GUCA1C: variants seen among roughly 807,000 people sequenced by gnomAD.
GUCA1C encodes the protein guanylate cyclase activator 1C, also known as guanylyl cyclase-activating protein 3.
In GUCA1C, 15 loss-of-function variants were observed where a neutral mutation model predicts 16.2. The ratio of observed to expected loss-of-function variants is 0.93; its 90% CI spans 0.62 to 1.43. GUCA1C has a LOEUF of 1.43. Ranked by LOEUF, GUCA1C falls within the 40% of genes most tolerant of loss-of-function variation. GUCA1C has a pLI of 0.00. For missense variants in GUCA1C, 275 were observed against 244.8 expected, an observed-to-expected ratio of 1.12 and a Z score of -0.82; for synonymous variants, 78 against 85.4, an observed-to-expected ratio of 0.91 and a Z score of 0.48.
chr3:108,935,179 A>G (rs905825915), intron 1 of GUCA1C, among the ~76,000 whole-genome samples: 9 of 151,844 alleles, frequency 5.9e-5, no homozygotes, highest in African/African-American at 2.2e-4. Context: ...AACAATAGAA[A>G]CTGGGGACTA....
chr3:108,946,435 C>A, intron 1 of GUCA1C, among the ~76,000 whole-genome samples: 1 of 152,132 alleles, frequency 6.6e-6, no homozygotes. Flanking sequence ...CATGCACAGC[C>A]TATGGTACAT....
intron 1 of GUCA1C, among the ~76,000 whole-genome samples, chr3:108,922,593 T>C (rs34036727): frequency 6.6e-6 from 1 of 152,168 alleles, no homozygotes; most frequent in Non-Finnish European, 1.5e-5. Context: ...GATAATTAGT[T>C]ATTTTAAACA....
intron 1 of GUCA1C, among the ~76,000 whole-genome samples, chr3:108,922,451 C>T (rs1173755433): frequency 1.3e-5 from 2 of 152,168 alleles, no homozygotes; most frequent in African/African-American, 2.4e-5. Flanking sequence ...TTTACATTCC[C>T]ACCAGCAGTG....
upstream of GUCA1C, among the ~76,000 whole-genome samples, chr3:108,954,741 T>TC (rs1352026566): frequency 6.7e-6 from 1 of 149,468 alleles, no homozygotes; most frequent in East Asian, 1.9e-4. Context: ...TCTCCTTTTT[T>TC]TTTTTTTTTT....
At chr3:108,945,934 A>G (rs1424662355) in intron 1 of GUCA1C, among the ~76,000 whole-genome samples, 1 of 152,214 alleles carries the variant, frequency 6.6e-6, no homozygotes, top group Admixed American at 6.5e-5. Flanking sequence ...GTTAAATTGT[A>G]TAAGCCAAGT....
chr3:108,909,967 C>T (rs1946432429), intron 3 of GUCA1C, among the ~76,000 whole-genome samples: 1 of 152,174 alleles, frequency 6.6e-6, no homozygotes, highest in African/African-American at 2.4e-5. Flanking sequence ...ACCACAATTA[C>T]CATTTCTATT....
chr3:108,936,328 C>T (rs867891786), intron 1 of GUCA1C, among the ~76,000 whole-genome samples: 3 of 151,652 alleles, frequency 2.0e-5, no homozygotes, highest in Admixed American at 6.6e-5. Context: ...TAAAAGCTAC[C>T]ATTAATTTTT....
intron 1 of GUCA1C, among the ~76,000 whole-genome samples, chr3:108,922,751 C>T (rs956175197): frequency 6.6e-6 from 1 of 152,088 alleles, no homozygotes; most frequent in Admixed American, 6.5e-5. Context: ...TATACACGTG[C>T]CATGGTGGTT....
In GUCA1C at chr3:108,932,323, CAAAAAA is replaced by C. The variant is rs71106610; in HGVS notation, c.205-11744_205-11739del. ...ACATGCAGATTCCTAGACCTCCCAC[CAAAAAA>C]AAAAAAAAAACAAAAAAAAAAAACA... is the stretch of plus-strand genomic sequence containing the variant. On this transcript the variant is annotated intron_variant, in intron 1 of 3. Transcript: ENST00000261047. 2.9e-5 allele frequency among the ~76,000 whole-genome samples: 3 copies of C among 102,042 alleles called. No individual in the cohort carries two copies. The Admixed American group carries it at 3.2e-4, about 11-fold the overall frequency. 66.9% of individuals were successfully genotyped at this position (102,042 alleles called of 152,430 possible).
chr3:108,918,931 T>TA (rs562347239), intron 2 of GUCA1C, among the ~76,000 whole-genome samples: 3 of 152,214 alleles, frequency 2.0e-5, no homozygotes, highest in African/African-American at 2.4e-5. Context: ...GATTCTGTGA[T>TA]ATAAATCACA....
intron 3 of GUCA1C, among the ~76,000 whole-genome samples, chr3:108,910,782 T>C (rs1946444629): frequency 6.6e-6 from 1 of 151,714 alleles, no homozygotes; most frequent in South Asian, 2.1e-4. Flanking sequence ...CCCGAGTAGC[T>C]GGGACTACAG....
chr3:108,908,503 T>C (rs1174675240), intron 3 of GUCA1C, among the ~76,000 whole-genome samples: 2 of 152,144 alleles, frequency 1.3e-5, no homozygotes, highest in Non-Finnish European at 2.9e-5. Context: ...ACAGTATTGG[T>C]TTTTGGACTT....
intron 2 of GUCA1C, among the ~76,000 whole-genome samples, chr3:108,917,000 G>T (rs905590822): frequency 6.6e-6 from 1 of 152,096 alleles, no homozygotes; most frequent in Admixed American, 6.5e-5. Flanking sequence ...TCTCTCTCTT[G>T]CTTCTTCTCA....
At chr3:108,932,407 C>G (rs1946678668) in intron 1 of GUCA1C, among the ~76,000 whole-genome samples, 1 of 151,536 alleles carries the variant, frequency 6.6e-6, no homozygotes, top group African/African-American at 2.4e-5. Context: ...AAAATGCTCC[C>G]CAGATAAGTC....
intron 1 of GUCA1C, among the ~76,000 whole-genome samples, chr3:108,928,220 C>T (rs1218239271): frequency 6.6e-6 from 1 of 152,216 alleles, no homozygotes; most frequent in East Asian, 1.9e-4. Context: ...TGATGTCAGT[C>T]TCCACACACT....
chr3:108,944,901 T>C (rs1946828705), intron 1 of GUCA1C, among the ~76,000 whole-genome samples: 1 of 152,232 alleles, frequency 6.6e-6, no homozygotes, highest in Non-Finnish European at 1.5e-5. Flanking sequence ...ATGCACCACT[T>C]GCACTTAAAA....
chr3:108,949,814 G>A (rs1576558892), intron 1 of GUCA1C, among the ~76,000 whole-genome samples: 1 of 152,034 alleles, frequency 6.6e-6, no homozygotes, highest in East Asian at 1.9e-4. Flanking sequence ...TTATTTTTAT[G>A]TGTATTCAAT....
At chr3:108,921,132 G>A (rs930150531) in intron 1 of GUCA1C, among the ~76,000 whole-genome samples, 11 of 151,924 alleles carry the variant, frequency 7.2e-5, no homozygotes, top group South Asian at 4.1e-4. Context: ...ATCTTTTTAC[G>A]GTCTCCATAG....
chr3:108,935,319 C>T (rs1443465635), intron 1 of GUCA1C, among the ~76,000 whole-genome samples: 1 of 151,328 alleles, frequency 6.6e-6, no homozygotes, highest in Non-Finnish European at 1.5e-5. Context: ...AGATAACAAA[C>T]CTGTACTCCT....
Sources: allele counts gnomAD v4.1 joint callset (sites outside exome capture counted in the v4.1 genomes callset), GRCh38; gene constraint gnomAD v4.1.1; transcripts MANE v1.5; gene names NCBI Gene and HGNC (gene_info 2026-07-23, HGNC 2026-07-21).